AK4: variants seen among roughly 807,000 people sequenced by gnomAD.
The protein encoded by AK4 is adenylate kinase 4, also known as adenylate kinase 4, mitochondrial.
AK4 carries 13 observed loss-of-function variants against 24.6 expected under a neutral mutation model. The observed-to-expected ratio is 0.53, with a 90% CI of 0.34 to 0.84. AK4 has a LOEUF of 0.84. Ranked by LOEUF, AK4 falls within the 40% of genes least tolerant of loss-of-function variation. The probability of loss-of-function intolerance (pLI) is 0.01; values close to 1 mark genes in which losing one functional copy is unlikely to be tolerated. For synonymous variants in AK4, 88 were observed against 107.0 expected (o/e 0.82, Z 1.10); for missense variants, 192 against 288.2 (o/e 0.67, Z 2.42).
At chr1:65,193,582 A>G (rs1651376549) in intron 2 of AK4, among the ~76,000 whole-genome samples, 1 of 152,102 alleles carries the variant, frequency 6.6e-6, no homozygotes, top group African/African-American at 2.4e-5. Flanking sequence ...TTTTAACTAT[A>G]TGGTTATCCC....
intron 1 of AK4, among the ~76,000 whole-genome samples, chr1:65,178,306 G>A (rs1215808452): frequency 1.3e-5 from 2 of 152,150 alleles, no homozygotes; most frequent in African/African-American, 4.8e-5. Flanking sequence ...TGTACAAATC[G>A]TGGCCTGTTG....
chr1:65,157,497 A>T (rs1650021034), intron 1 of AK4, among the ~76,000 whole-genome samples: 1 of 152,082 alleles, frequency 6.6e-6, no homozygotes, highest in African/African-American at 2.4e-5. Flanking sequence ...AAAATAACAC[A>T]ATTGGGCTGG....
At chr1:65,150,891 G>A (rs1649749154) in intron 1 of AK4, among the ~76,000 whole-genome samples, 1 of 152,164 alleles carries the variant, frequency 6.6e-6, no homozygotes. Context: ...GGGCCATTCT[G>A]ATGTCATTGC....
intron 3 of AK4, among the ~76,000 whole-genome samples, chr1:65,223,431 C>T (rs1302698964): frequency 1.3e-5 from 2 of 151,912 alleles, no homozygotes; most frequent in East Asian, 2.0e-4. Context: ...TTAAGTGATC[C>T]GCCCGCCTTG....
chr1:65,217,476 T>C (rs1183118633), intron 2 of AK4, among the ~76,000 whole-genome samples: 1 of 152,224 alleles, frequency 6.6e-6, no homozygotes, highest in African/African-American at 2.4e-5. Context: ...TTTCAGCTCT[T>C]CATCTACCTG....
At chr1:65,179,394 T>C (rs1038837115) in intron 1 of AK4, among the ~76,000 whole-genome samples, 1 of 152,202 alleles carries the variant, frequency 6.6e-6, no homozygotes, top group Non-Finnish European at 1.5e-5. Flanking sequence ...TGCTTGAAGT[T>C]GAGTCTGGGC....
chr1:65,148,617 G>A lies in AK4; in HGVS notation c.145+65G>A, dbSNP rs560777661. Reference sequence around the variant, plus strand: ...TTGGGCTGGGGTGAGGCCCTGGAGGGACTGGGGCTCCCGGATCACGGCGCC... The same window carrying A: ...TTGGGCTGGGGTGAGGCCCTGGAGGAACTGGGGCTCCCGGATCACGGCGCC... On this transcript the variant is annotated intron_variant, in intron 1 of 4. Transcript: ENST00000327299. 3.8e-5 allele frequency: 55 copies of A among 1,466,544 alleles called. No homozygotes were observed. In the South Asian group the frequency reaches 7.5e-4, roughly 20 times the overall value. 90.8% of individuals were successfully genotyped at this position (1,466,544 alleles called of 1,614,324 possible).
chr1:65,224,279 G>C (rs2101094608), intron 3 of AK4, among the ~76,000 whole-genome samples: 1 of 152,250 alleles, frequency 6.6e-6, no homozygotes, highest in East Asian at 1.9e-4. Flanking sequence ...GAATTGGAAA[G>C]CTGGCAGAGA....
At chr1:65,171,253 CT>C (rs562201269) in intron 1 of AK4, among the ~76,000 whole-genome samples, 310 of 116,364 alleles carry the variant, frequency 2.7e-3, no homozygotes, top group Middle Eastern at 0.011. Flanking sequence ...AATTATAGGC[CT>C]TTTTTTTTTT....
intron 2 of AK4, among the ~76,000 whole-genome samples, chr1:65,210,217 A>T (rs146114782): frequency 3.3e-5 from 5 of 152,100 alleles, no homozygotes; most frequent in Non-Finnish European, 7.4e-5. Flanking sequence ...GTGACACAGC[A>T]CCCCAAACTT....
chr1:65,202,463 G>T (rs1651690160), intron 2 of AK4, among the ~76,000 whole-genome samples: 1 of 152,124 alleles, frequency 6.6e-6, no homozygotes, highest in African/African-American at 2.4e-5. Flanking sequence ...ATCTACATTT[G>T]ACATTAAACT....
At position 65,230,846 on chromosome 1, in the gene AK4, G is replaced by C. The variant is rs1347830928; in HGVS notation, c.*4669G>C. ...GGGCGTGTCTCATCTGTACTCTGCT[G>C]GGTTACAGGATTTCAGTAGGTATTT... On this transcript the variant is annotated 3_prime_UTR_variant, in exon 5 of 5. Coordinates refer to ENST00000327299, the MANE Select transcript of AK4 (RefSeq NM_013410.4). The C allele has an allele frequency of 3.3e-5, 5 of 152,138 alleles. No individual in the cohort carries two copies. Among genetic ancestry groups the C allele is most frequent in the Non-Finnish European group, 7.3e-5 (5 of 68,030 alleles). 9.4% of individuals were successfully genotyped at this position (152,138 alleles called of 1,614,324 possible).
At chr1:65,214,412 CT>C (rs1460351901) in intron 2 of AK4, among the ~76,000 whole-genome samples, 1 of 152,058 alleles carries the variant, frequency 6.6e-6, no homozygotes, top group African/African-American at 2.4e-5. Context: ...TGCCCGGCCC[CT>C]TGTTTCATAT....
chr1:65,163,919 CTTG>C (rs987177897), intron 1 of AK4, among the ~76,000 whole-genome samples: 5 of 151,872 alleles, frequency 3.3e-5, no homozygotes, highest in African/African-American at 1.2e-4. Flanking sequence ...GATGGCAGAA[CTTG>C]TTGAGCCAGA....
intron 2 of AK4, among the ~76,000 whole-genome samples, chr1:65,198,426 A>C (rs1473942075): frequency 6.6e-6 from 1 of 152,190 alleles, no homozygotes; most frequent in Non-Finnish European, 1.5e-5. Context: ...GGTCCTGAAT[A>C]TTTCTAAAGT....
Position 65,186,996 on chromosome 1 carries a change from G to A in AK4, c.146-3714G>A, listed in dbSNP as rs1036468974. Among the ~76,000 whole-genome samples, 5 of 152,220 alleles carry A rather than the reference G, an allele frequency of 3.3e-5. No homozygotes were observed. The South Asian group carries it at 8.3e-4, about 25-fold the overall frequency. The stretch of plus-strand genomic sequence containing the variant: ...ATAAATAGGAGTGAAATATGGATAC[G>A]TGGTACATTGAAAACATTAAGCTAA... On this transcript the variant is annotated intron_variant, in intron 1 of 4. Coordinates refer to ENST00000327299, the MANE Select transcript of AK4 (RefSeq NM_013410.4).
At chr1:65,171,550 C>T (rs1298142182) in intron 1 of AK4, among the ~76,000 whole-genome samples, 2 of 151,776 alleles carry the variant, frequency 1.3e-5, no homozygotes, top group African/African-American at 4.8e-5. Flanking sequence ...CCTGATCTGC[C>T]CACCTCGGCC....
intron 1 of AK4, among the ~76,000 whole-genome samples, chr1:65,165,051 C>T (rs956418576): frequency 6.6e-6 from 1 of 152,166 alleles, no homozygotes; most frequent in Non-Finnish European, 1.5e-5. Context: ...GAAATGGTCT[C>T]TACCTTCAAC....
intron 2 of AK4, among the ~76,000 whole-genome samples, chr1:65,197,678 A>T (rs746569214): frequency 3.3e-5 from 5 of 152,124 alleles, no homozygotes; most frequent in Non-Finnish European, 5.9e-5. Context: ...GCACTCACTT[A>T]GAGCCCTTGG....
Sources: gnomAD v4.1 joint callset for allele counts (sites outside exome capture counted in the v4.1 genomes callset) on GRCh38, gnomAD v4.1.1 for gene constraint, MANE v1.5 for transcripts, NCBI Gene and HGNC (gene_info 2026-07-23, HGNC 2026-07-21) for gene names.